Variants in ADGRL3 observed in about 807,000 individuals in gnomAD.
The protein encoded by ADGRL3 is calcium-independent alpha-latrotoxin receptor 3.
In ADGRL3, 62 loss-of-function variants were observed where a neutral mutation model predicts 153.5. The observed-to-expected ratio is 0.40, with a 90% CI of 0.33 to 0.50. ADGRL3 has a LOEUF of 0.50. Ranked by LOEUF, ADGRL3 falls within the 20% of genes least tolerant of loss-of-function variation. ADGRL3 has a pLI of 0.47. For synonymous variants in ADGRL3, 710 were observed against 672.5 expected, an observed-to-expected ratio of 1.06 and a Z score of -0.86; for missense variants, 1,641 against 1,859.4, an observed-to-expected ratio of 0.88 and a Z score of 2.16.
At chr4:61,221,313 C>A (rs1380952536) in intron 1 of ADGRL3, among the ~76,000 whole-genome samples, 2 of 152,076 alleles carry the variant, frequency 1.3e-5, no homozygotes. Context: ...TCTGAAAGCA[C>A]CTGTAGATGT....
chr4:61,889,658 TTA>T (rs2098558322), intron 9 of ADGRL3, among the ~76,000 whole-genome samples: 1 of 152,204 alleles, frequency 6.6e-6, no homozygotes, highest in Non-Finnish European at 1.5e-5. Flanking sequence ...TTTCATTCTA[TTA>T]TCTTTAAAAA....
chr4:61,559,825 T>A (rs940532564), intron 4 of ADGRL3, among the ~76,000 whole-genome samples: 2 of 152,030 alleles, frequency 1.3e-5, no homozygotes, highest in African/African-American at 4.8e-5. Flanking sequence ...CATTTTTTTT[T>A]AATTCTCGTG....
intron 17 of ADGRL3, among the ~76,000 whole-genome samples, chr4:61,970,964 T>C (rs1283609354): frequency 6.6e-6 from 1 of 152,062 alleles, no homozygotes; most frequent in Non-Finnish European, 1.5e-5. Flanking sequence ...AATAGGCTTT[T>C]TGGAATCCTG....
chr4:61,935,833 T>A, intron 14 of ADGRL3, 90 bp from the exon 15 acceptor site: 1 of 1,168,900 alleles, frequency 8.6e-7, no homozygotes, highest in South Asian at 1.8e-5. Context: ...TTCCAGTATT[T>A]TGATTTCAGA....
At chr4:61,653,111 T>G (rs1171869040) in intron 5 of ADGRL3, among the ~76,000 whole-genome samples, 1 of 151,652 alleles carries the variant, frequency 6.6e-6, no homozygotes, top group African/African-American at 2.4e-5. Flanking sequence ...AGTGGCCTTA[T>G]AAGAAGAGAA....
chr4:61,874,705 A>G (rs941037093), intron 9 of ADGRL3, among the ~76,000 whole-genome samples: 11 of 150,746 alleles, frequency 7.3e-5, no homozygotes, highest in African/African-American at 2.2e-4. Flanking sequence ...AACTAAGAGA[A>G]GGGGAGACCA....
chr4:61,811,366 A>G (rs1409865117), intron 8 of ADGRL3, among the ~76,000 whole-genome samples: 3 of 152,088 alleles, frequency 2.0e-5, no homozygotes, highest in Non-Finnish European at 4.4e-5. Flanking sequence ...TGAGTAAAAG[A>G]AGCTGATCAC....
rs111660681 is a variant in ADGRL3 at position 61,620,060 on chromosome 4, A to AAT, written c.473+32637_473+32638dup. On this transcript the variant is annotated intron_variant, in intron 5 of 26. Coordinates refer to ENST00000683033, the MANE Select transcript of ADGRL3 (RefSeq NM_001387552.1). Reference sequence around the variant, plus strand: ...TAGGATACTTTTTCATATCTTTAGAAATATATATATATATATATGAAATAA... The same window carrying AAT: ...TAGGATACTTTTTCATATCTTTAGAAATATATATATATATATATATGAAATAA... 3.8e-3 allele frequency among the ~76,000 whole-genome samples: 558 copies of AAT among 148,022 alleles called. 2 individuals carry two copies. Among genetic ancestry groups the AAT allele is most frequent in the South Asian group, 0.014 (67 of 4,696 alleles).
intron 24 of ADGRL3, among the ~76,000 whole-genome samples, chr4:62,043,556 G>A (rs184002984): frequency 2.6e-5 from 4 of 152,136 alleles, no homozygotes; most frequent in African/African-American, 9.6e-5. Context: ...TATTCAAGGA[G>A]TTCAAATGTA....
At chr4:61,435,268 G>T (rs1447152887) in intron 2 of ADGRL3, among the ~76,000 whole-genome samples, 1 of 151,948 alleles carries the variant, frequency 6.6e-6, no homozygotes, top group Non-Finnish European at 1.5e-5. Flanking sequence ...AATTGACATT[G>T]CCATTCATAA....
At chr4:61,255,860 T>TA (rs1185493405) in intron 1 of ADGRL3, among the ~76,000 whole-genome samples, 2 of 152,160 alleles carry the variant, frequency 1.3e-5, no homozygotes, top group African/African-American at 4.8e-5. Context: ...AGTAAGTTGT[T>TA]ATGGAAGATT....
At chr4:61,554,035 A>C (rs982347529) in intron 4 of ADGRL3, among the ~76,000 whole-genome samples, 2 of 152,030 alleles carry the variant, frequency 1.3e-5, no homozygotes, top group African/African-American at 4.8e-5. Context: ...ATAAAAGAAC[A>C]AAAAAAGGTA....
chr4:61,824,158 T>G (rs1031010751), intron 9 of ADGRL3, among the ~76,000 whole-genome samples: 5 of 152,212 alleles, frequency 3.3e-5, no homozygotes, highest in Admixed American at 6.5e-5. Context: ...TTTCATCATC[T>G]TATTTATTCA....
chr4:61,283,052 A>G (rs1400323335), intron 1 of ADGRL3, among the ~76,000 whole-genome samples: 2 of 151,996 alleles, frequency 1.3e-5, no homozygotes, highest in Non-Finnish European at 2.9e-5. Context: ...ATATATTTTT[A>G]TCTACATGGT....
At chr4:62,033,336 T>C (rs567104095) in intron 23 of ADGRL3, among the ~76,000 whole-genome samples, 1 of 151,870 alleles carries the variant, frequency 6.6e-6, no homozygotes, top group South Asian at 2.1e-4. Flanking sequence ...TAGTATAGCT[T>C]TTTTAGTCAG....
intron 1 of ADGRL3, among the ~76,000 whole-genome samples, chr4:61,232,192 A>AT (rs1341621967): frequency 3.3e-5 from 5 of 152,116 alleles, no homozygotes; most frequent in Non-Finnish European, 5.9e-5. Flanking sequence ...TTAAGCTTAT[A>AT]TTTTTTTATT....
At chr4:61,932,290 G>A (rs972831837) in intron 13 of ADGRL3, among the ~76,000 whole-genome samples, 12 of 152,188 alleles carry the variant, frequency 7.9e-5, no homozygotes, top group Middle Eastern at 3.4e-3. Context: ...TCAGGTTTTC[G>A]TTGTGGAGTA....
chr4:61,775,501 T>A, intron 8 of ADGRL3: 1 of 750,432 alleles, frequency 1.3e-6, no homozygotes, highest in Non-Finnish European at 2.4e-6. Context: ...CTGAGACTCC[T>A]TGCCATAGTC....
intron 1 of ADGRL3, among the ~76,000 whole-genome samples, chr4:61,226,793 GA>G (rs35045517): frequency 1.8e-4 from 27 of 148,192 alleles, no homozygotes; most frequent in South Asian, 6.4e-4. Flanking sequence ...GTGTTAGTAG[GA>G]AAAAAAAAAC....
Sources: gnomAD v4.1 joint callset for allele counts (sites outside exome capture counted in the v4.1 genomes callset) on GRCh38, gnomAD v4.1.1 for gene constraint, MANE v1.5 for transcripts, NCBI Gene and HGNC (gene_info 2026-07-23, HGNC 2026-07-21) for gene names.